CAPN13: variants seen among roughly 807,000 people sequenced by gnomAD.
CAPN13 encodes calpain 13, also known as calpain-13.
Under a neutral mutation model 98.4 loss-of-function variants are expected in CAPN13, and 90 were observed. The ratio of observed to expected loss-of-function variants is 0.92; its 90% CI spans 0.77 to 1.09. The LOEUF (loss-of-function observed/expected upper bound fraction) is 1.09. Ranked by LOEUF, CAPN13 falls within the 50% of genes least tolerant of loss-of-function variation. CAPN13 has a pLI of 0.00. For synonymous variants in CAPN13, 330 were observed against 305.5 expected, an observed-to-expected ratio of 1.08 and a Z score of -0.84; for missense variants, 887 against 841.3, an observed-to-expected ratio of 1.05 and a Z score of -0.67.
chr2:30,761,646 C>T (rs192019354), intron 7 of CAPN13, among the ~76,000 whole-genome samples: 25 of 152,354 alleles, frequency 1.6e-4, no homozygotes, highest in African/African-American at 6.0e-4. Context: ...CTGACTTCCT[C>T]ATCTCATGCC....
At chr2:30,779,000 T>C (rs1475365657) in intron 2 of CAPN13, among the ~76,000 whole-genome samples, 3 of 152,202 alleles carry the variant, frequency 2.0e-5, no homozygotes, top group African/African-American at 7.2e-5. Context: ...GGCATTTCAG[T>C]AGCCTTTACT....
At chr2:30,792,054 G>C (rs189360569) in intron 1 of CAPN13, among the ~76,000 whole-genome samples, 107 of 152,090 alleles carry the variant, frequency 7.0e-4, no homozygotes, top group South Asian at 2.5e-3. Context: ...AATAACAATA[G>C]AATATTTAGG....
chr2:30,765,538 C>A (rs1372832775), intron 5 of CAPN13, among the ~76,000 whole-genome samples: 1 of 152,236 alleles, frequency 6.6e-6, no homozygotes, highest in Non-Finnish European at 1.5e-5. Flanking sequence ...CTCCCTCCAA[C>A]TGGGTCTTCC....
intron 11 of CAPN13, among the ~76,000 whole-genome samples, chr2:30,750,330 C>T (rs138119706): frequency 4.0e-5 from 6 of 151,870 alleles, no homozygotes; most frequent in African/African-American, 9.7e-5. Flanking sequence ...GAGGAGGGAG[C>T]GGGGCAGAAA....
rs776783353 is a variant in CAPN13, at chr2:30,763,091, C to T, written c.765G>A (p.Gly255=). 3 of 1,609,268 alleles carry T rather than the reference C, an allele frequency of 1.9e-6. No individual in the cohort carries two copies. The highest frequency in any genetic ancestry group is 1.7e-5 in the Admixed American group (1 of 59,696). Residue 255 remains glycine (G), a synonymous_variant, in exon 7 of 23, where the codon GGG becomes GGA. Coordinates refer to ENST00000295055, the MANE Select transcript of CAPN13 (RefSeq NM_144575.3). ...CAGCAGCCAGCCTTACCTGCTCAGC[C>T]CCAGTCACAGTGTAGGCATGGAGAC... ...LVSLHAYTVT[G]AEQIQYRRGW...
intron 10 of CAPN13, 111 bp from the exon 11 acceptor site, chr2:30,751,362 G>A: frequency 8.6e-7 from 1 of 1,161,016 alleles, no homozygotes; most frequent in Non-Finnish European, 1.2e-6. Context: ...CTCTGGATTG[G>A]AGACCTAAGG....
chr2:30,761,235 G>A (rs1672834045), intron 7 of CAPN13, among the ~76,000 whole-genome samples: 1 of 152,214 alleles, frequency 6.6e-6, no homozygotes. Context: ...TGGTGGAGCA[G>A]GGATGGATTA....
rs868366470 is a variant in CAPN13 at position 30,740,095 on chromosome 2, T to G, written c.1537-1638A>C. ...TCATTGTATTAGGTTTTTTTTTTTTTTTTTTTTTTTTTTTTTTGAGATGGA... is the reference window on the plus strand; with the variant it reads ...TCATTGTATTAGGTTTTTTTTTTTTGTTTTTTTTTTTTTTTTTGAGATGGA... On this transcript the variant is annotated intron_variant, in intron 15 of 22. Transcript: ENST00000295055. Among the ~76,000 whole-genome samples the G allele has an allele frequency of 8.8e-3, 1,278 of 145,308 alleles. 60 individuals carry two copies. The highest frequency in any genetic ancestry group is 0.022 in the South Asian group (95 of 4,352).
chr2:30,736,707 C>T lies in CAPN13; in HGVS notation c.1654-136G>A, dbSNP rs1261115775. The T allele has an allele frequency of 4.1e-6, 3 of 738,788 alleles. No individual in the cohort carries two copies. In the Admixed American group the frequency reaches 6.7e-5, roughly 16 times the overall value. 45.8% of individuals were successfully genotyped at this position (738,788 alleles called of 1,614,324 possible). On this transcript the variant is annotated intron_variant, in intron 17 of 22. Transcript: ENST00000295055. Reference sequence around the variant, plus strand: ...ATTGTCACCTGGATGTGGCCCCATGCCAGCTGGCTCCCGCTGTGTCTGAAA... The same window carrying T: ...ATTGTCACCTGGATGTGGCCCCATGTCAGCTGGCTCCCGCTGTGTCTGAAA...
At chr2:30,782,540 G>C (rs1053250190) in intron 2 of CAPN13, among the ~76,000 whole-genome samples, 1 of 152,152 alleles carries the variant, frequency 6.6e-6, no homozygotes, top group Non-Finnish European at 1.5e-5. Flanking sequence ...CTTTCCTGAA[G>C]AGCACGTTTT....
intron 3 of CAPN13, 103 bp from the exon 4 acceptor site, chr2:30,776,148 A>T: frequency 1.5e-6 from 1 of 654,004 alleles, no homozygotes; most frequent in Non-Finnish European, 2.5e-6. Context: ...AATTCCTTCT[A>T]AATAATGCAT....
At chr2:30,776,830 G>A (rs1030396132) in intron 3 of CAPN13, among the ~76,000 whole-genome samples, 3 of 152,136 alleles carry the variant, frequency 2.0e-5, no homozygotes, top group Non-Finnish European at 4.4e-5. Flanking sequence ...CACAAAGATG[G>A]CCTCAGAGAG....
chr2:30,723,746 G>A (rs1463389555), intron 22 of CAPN13, among the ~76,000 whole-genome samples: 1 of 152,152 alleles, frequency 6.6e-6, no homozygotes, highest in African/African-American at 2.4e-5. Context: ...CATGTTTTCT[G>A]CAATAATCAG....
chr2:30,801,529 C>T (rs552014124), intron 1 of CAPN13, among the ~76,000 whole-genome samples: 4 of 149,482 alleles, frequency 2.7e-5, no homozygotes, highest in East Asian at 2.0e-4. Flanking sequence ...CGCTTGAACC[C>T]GGGAGGCGGA....
At chr2:30,723,773 T>G (rs1670769660) in intron 22 of CAPN13, among the ~76,000 whole-genome samples, 1 of 152,144 alleles carries the variant, frequency 6.6e-6, no homozygotes, top group Admixed American at 6.5e-5. Context: ...GCCCTACCCA[T>G]GGGGTAAAGA....
At chr2:30,804,359 C>G (rs1428609739) in intron 1 of CAPN13, among the ~76,000 whole-genome samples, 1 of 152,148 alleles carries the variant, frequency 6.6e-6, no homozygotes, top group Non-Finnish European at 1.5e-5. Flanking sequence ...TGCTACCATG[C>G]CTGTCTAATT....
intron 22 of CAPN13, among the ~76,000 whole-genome samples, chr2:30,726,490 G>A (rs554418160): frequency 6.6e-5 from 10 of 152,148 alleles, no homozygotes; most frequent in African/African-American, 2.4e-4. Context: ...TTCTAAGGAA[G>A]CCCTTTAAAA....
chr2:30,787,529 T>G (rs1199852263), intron 1 of CAPN13, among the ~76,000 whole-genome samples, 172 bp from the exon 2 acceptor site: 1 of 152,210 alleles, frequency 6.6e-6, no homozygotes, highest in East Asian at 1.9e-4. Context: ...TCAAGCATCC[T>G]CACTCCCAGT....
In CAPN13 at chr2:30,736,532, G is replaced by A. The variant is rs374855001; in HGVS notation, c.1693C>T (p.Arg565Ter). 3.7e-5 allele frequency: 59 copies of A among 1,613,992 alleles called. No homozygotes were observed. Among genetic ancestry groups the A allele is most frequent in the Admixed American group, 1.3e-4 (8 of 60,020 alleles). Residue 565 changes from arginine (R) to a stop codon, truncating the protein, a stop_gained, in exon 18 of 23, where the codon CGA (arginine) becomes TGA (stop). Transcript: ENST00000295055. LOFTEE classifies it high-confidence loss of function. ...NGRLDQEEFA[R>*]LWKRLVHYQH... ...TAGTGAACAAGGCGCTTCCACAGTC[G>A]CGCAAACTCCTCTTGGTCTAGCCGC...
Sources: allele counts gnomAD v4.1 joint callset (sites outside exome capture counted in the v4.1 genomes callset), GRCh38; gene constraint gnomAD v4.1.1; transcripts MANE v1.5; gene names NCBI Gene and HGNC (gene_info 2026-07-23, HGNC 2026-07-21).